UBR7: variants seen among roughly 807,000 people sequenced by gnomAD.
UBR7 encodes putative E3 ubiquitin-protein ligase UBR7.
Under a neutral mutation model 57.0 loss-of-function variants are expected in UBR7, and 22 were observed. That is an observed-to-expected ratio of 0.39 (90% CI 0.28 to 0.55). UBR7 has a LOEUF of 0.55. Among genes scored for constraint, UBR7 ranks in the 20% least tolerant of loss-of-function variants. The pLI is 0.69. For missense variants in UBR7, 395 were observed against 513.2 expected, an observed-to-expected ratio of 0.77 and a Z score of 2.23; for synonymous variants, 167 against 179.8, an observed-to-expected ratio of 0.93 and a Z score of 0.57.
At chr14:93,212,764 C>G (rs1894511062) in intron 4 of UBR7, among the ~76,000 whole-genome samples, 2 of 152,156 alleles carry the variant, frequency 1.3e-5, no homozygotes, top group Admixed American at 1.3e-4. Flanking sequence ...ACACTTACCC[C>G]CTTCTAACTG....
chr14:93,214,879 C>T (rs760416486), intron 4 of UBR7, 50 bp from the exon 5 acceptor site: 1 of 1,515,614 alleles, frequency 6.6e-7, no homozygotes, highest in South Asian at 1.1e-5. Flanking sequence ...AGGTTATTTC[C>T]ATGTTCCCGA....
At chr14:93,218,314 G>C (rs1894631213) in intron 6 of UBR7, among the ~76,000 whole-genome samples, 1 of 152,042 alleles carries the variant, frequency 6.6e-6, no homozygotes, top group Non-Finnish European at 1.5e-5. Flanking sequence ...GGGTGGCTGA[G>C]GCATGAGAAT....
chr14:93,211,002 G>T (rs2140098341), intron 3 of UBR7, among the ~76,000 whole-genome samples: 1 of 152,258 alleles, frequency 6.6e-6, no homozygotes, highest in South Asian at 2.1e-4. Context: ...CAGCGGATAT[G>T]ACTTAAAAAC....
Position 93,228,195 on chromosome 14 carries a change from T to A in UBR7, c.*1160T>A. ...TCCCTAACGACTATGAGATCTTTTT[T>A]TTGAAGATCCTCATGGAAGGTTGTA... On this transcript the variant is annotated 3_prime_UTR_variant, in exon 11 of 11. Transcript: ENST00000013070. 1.9e-6 allele frequency: 1 copy of A among 521,742 alleles called. No individual in the cohort carries two copies. The highest frequency in any genetic ancestry group is 3.7e-6 in the Non-Finnish European group (1 of 271,340). 32.3% of individuals were successfully genotyped at this position (521,742 alleles called of 1,614,324 possible).
intron 2 of UBR7, 148 bp from the exon 3 acceptor site, chr14:93,210,500 G>A (rs1243016400): frequency 1.3e-5 from 9 of 678,294 alleles, no homozygotes; most frequent in Non-Finnish European, 2.3e-5. Context: ...CATTTTACTT[G>A]TGTGTTTGTA....
chr14:93,215,179 C>T lies in UBR7; in HGVS notation c.499C>T (p.Leu167Phe), dbSNP rs1370738629. 6.4e-7 allele frequency: 1 copy of T among 1,573,836 alleles called. No homozygotes were observed. The highest frequency in any genetic ancestry group is 1.9e-5 in the Admixed American group (1 of 53,298). Reference sequence around the variant, plus strand: ...TTTTGGTGTTCTATATTCACAGCATCTTGGTGCCATTCCCCCTGAGAGTGG... The same window carrying T: ...TTTTGGTGTTCTATATTCACAGCATTTTGGTGCCATTCCCCCTGAGAGTGG... ...VCEDWFHGRH[L>F]GAIPPESGDF... The change falls in exon 6 of 11, where the codon CTT becomes TTT. Residue 167 changes from leucine to phenylalanine, a missense_variant. Leu to Phe is a conservative substitution (Grantham distance 22). Transcript: ENST00000013070.
intron 2 of UBR7, 106 bp from the exon 3 acceptor site, chr14:93,210,542 A>T: frequency 1.1e-6 from 1 of 920,332 alleles, no homozygotes; most frequent in Non-Finnish European, 1.7e-6. Context: ...TGTACATATT[A>T]ATTTCCCGAA....
intron 10 of UBR7, among the ~76,000 whole-genome samples, chr14:93,222,809 A>G (rs1268114417): frequency 6.6e-6 from 1 of 152,186 alleles, no homozygotes; most frequent in Non-Finnish European, 1.5e-5. Context: ...TGTTTTGAGC[A>G]AATTGGCAGG....
intron 4 of UBR7, 28 bp downstream of exon 4, chr14:93,212,155 G>A (rs775415360): frequency 1.9e-6 from 3 of 1,555,706 alleles, no homozygotes; most frequent in South Asian, 2.3e-5. Context: ...TAAACCTGGG[G>A]GTGTGTCCCC....
chr14:93,227,604 C>T lies in UBR7; in HGVS notation c.*569C>T. On this transcript the variant is annotated 3_prime_UTR_variant, in exon 11 of 11. Transcript: ENST00000013070. ...TGGGGCTTGTTTTCTCTAGGCCCAA[C>T]CTCCAGAGTAGCCAGGACTGATGGT... The T allele has an allele frequency of 4.3e-6, 3 of 700,554 alleles. No homozygotes were observed. Among genetic ancestry groups the T allele is most frequent in the Non-Finnish European group, 7.8e-6 (3 of 384,828 alleles). The allele number at this position is 700,554 out of a possible 1,614,324, so 43.4% of individuals were successfully genotyped here. A position where few individuals can be genotyped will look rare whatever the true frequency, so the allele number is the denominator to read the frequency against.
At chr14:93,221,649 C>T (rs1261088687) in intron 9 of UBR7, among the ~76,000 whole-genome samples, 5 of 152,104 alleles carry the variant, frequency 3.3e-5, no homozygotes, top group Non-Finnish European at 7.3e-5. Context: ...ACTTGTAGCC[C>T]TCAAGGTACC....
intron 1 of UBR7, among the ~76,000 whole-genome samples, chr14:93,208,791 C>T (rs1395748842): frequency 1.3e-5 from 2 of 152,014 alleles, no homozygotes; most frequent in Non-Finnish European, 2.9e-5. Flanking sequence ...ACCTCTTATA[C>T]ATATTCACTT....
chr14:93,215,006 G>A (rs1205705186), intron 5 of UBR7, 24 bp downstream of exon 5: 3 of 1,605,558 alleles, frequency 1.9e-6, no homozygotes, highest in Non-Finnish European at 2.6e-6. Flanking sequence ...TCCACCTTTT[G>A]AAACCATTGT....
At chr14:93,225,237 A>G (rs140256787) in intron 10 of UBR7, among the ~76,000 whole-genome samples, 1 of 152,274 alleles carries the variant, frequency 6.6e-6, no homozygotes, top group African/African-American at 2.4e-5. Flanking sequence ...GTATTTGTCC[A>G]TAGGGATAAT....
chr14:93,220,131 G>C (rs1894674095), intron 8 of UBR7, 118 bp from the exon 9 acceptor site: 1 of 1,005,866 alleles, frequency 9.9e-7, no homozygotes, highest in African/African-American at 1.6e-5. Context: ...GTTTTTCTAG[G>C]TCTTAATATA....
intron 4 of UBR7, 151 bp downstream of exon 4, chr14:93,212,278 A>T (rs1894501318): frequency 4.6e-6 from 3 of 651,290 alleles, no homozygotes; most frequent in African/African-American, 1.8e-5. Flanking sequence ...TCTGGGTTGG[A>T]TCTATAATTG....
At position 93,223,736 on chromosome 14, in the gene UBR7, C is replaced by T. The variant is rs576900571; in HGVS notation, c.1185+1362C>T. On this transcript the variant is annotated intron_variant, in intron 10 of 10. Transcript: ENST00000013070. ...GCCGGCTGGCGGCACTTGCTGGCTG[C>T]GATCTCCTTCACCTTCAGGATCTCG... 412 of 785,876 alleles carry T rather than the reference C, an allele frequency of 5.2e-4. 3 individuals carry two copies. The highest frequency in any genetic ancestry group is 4.2e-3 in the South Asian group (305 of 71,886). The allele number at this position is 785,876 out of a possible 1,614,324, so 48.7% of individuals were successfully genotyped here. A position where few individuals can be genotyped will look rare whatever the true frequency, so the allele number is the denominator to read the frequency against.
chr14:93,209,712 A>G, intron 1 of UBR7, 112 bp from the exon 2 acceptor site: 1 of 1,380,134 alleles, frequency 7.2e-7, no homozygotes, highest in South Asian at 1.3e-5. Flanking sequence ...GTTTTTACAG[A>G]AAGATCTTGA....
rs145362515 is a variant in UBR7 at position 93,209,015 on chromosome 14, G to A, written c.151-809G>A. 5.2e-3 allele frequency among the ~76,000 whole-genome samples: 793 copies of A among 152,186 alleles called. 4 individuals carry two copies. The highest frequency in any genetic ancestry group is 0.017 in the African/African-American group (700 of 41,524). On this transcript the variant is annotated intron_variant, in intron 1 of 10. Coordinates refer to ENST00000013070, the MANE Select transcript of UBR7 (RefSeq NM_175748.4). ...GTTCTAGAGATGAGGTTTTCACCAC[G>A]TTGACCAGGTTGGTCTTGAACTCCT...
Sources: allele counts gnomAD v4.1 joint callset (sites outside exome capture counted in the v4.1 genomes callset), GRCh38; gene constraint gnomAD v4.1.1; transcripts MANE v1.5; gene names NCBI Gene and HGNC (gene_info 2026-07-23, HGNC 2026-07-21).